The following GSG1L variants were observed in gnomAD, a reference collection of about 807,000 sequenced individuals.
GSG1L encodes the protein GSG1 like.
A neutral mutation model predicts 42.1 loss-of-function variants in GSG1L; 24 were observed. The observed-to-expected ratio is 0.57, with a 90% CI of 0.41 to 0.80. The LOEUF (loss-of-function observed/expected upper bound fraction) is 0.80, where lower values mean the gene tolerates loss of function less well. Among genes scored for constraint, GSG1L ranks in the 30% least tolerant of loss-of-function variants. The probability of loss-of-function intolerance (pLI) is 0.00; values close to 1 mark genes in which losing one functional copy is unlikely to be tolerated. For synonymous variants in GSG1L, 215 were observed against 203.5 expected, an observed-to-expected ratio of 1.06 and a Z score of -0.48; for missense variants, 445 against 472.2, an observed-to-expected ratio of 0.94 and a Z score of 0.53.
intron 1 of GSG1L, among the ~76,000 whole-genome samples, chr16:27,968,311 T>C (rs1278678995): frequency 1.3e-5 from 2 of 152,162 alleles, no homozygotes; most frequent in Non-Finnish European, 2.9e-5. Context: ...GTGCAATGGC[T>C]CAATCATAGC....
At chr16:28,047,163 G>C (rs57718969) in intron 1 of GSG1L, among the ~76,000 whole-genome samples, 2 of 152,228 alleles carry the variant, frequency 1.3e-5, no homozygotes, top group African/African-American at 4.8e-5. Context: ...CATGAAACCA[G>C]TTAAGCATGG....
At chr16:28,038,662 C>G (rs555568366) in intron 1 of GSG1L, among the ~76,000 whole-genome samples, 1 of 152,182 alleles carries the variant, frequency 6.6e-6, no homozygotes, top group African/African-American at 2.4e-5. Context: ...CATCGCCATC[C>G]GTCCTCCTGG....
chr16:27,874,075 C>T (rs539499190), intron 3 of GSG1L, among the ~76,000 whole-genome samples: 1 of 152,252 alleles, frequency 6.6e-6, no homozygotes, highest in Admixed American at 6.5e-5. Flanking sequence ...GCTCCTGTCT[C>T]CCCACCCAGG....
chr16:27,804,186 C>T (rs961208119), intron 6 of GSG1L, among the ~76,000 whole-genome samples: 5 of 152,050 alleles, frequency 3.3e-5, no homozygotes, highest in African/African-American at 1.2e-4. Flanking sequence ...ACTTCCCCTC[C>T]ACTGCATAGC....
chr16:28,011,657 GCCT>G (rs1197892282), intron 1 of GSG1L, among the ~76,000 whole-genome samples: 2 of 152,154 alleles, frequency 1.3e-5, no homozygotes, highest in South Asian at 2.1e-4. Context: ...ATGTCCATCT[GCCT>G]CCTCCTTCTG....
chr16:27,999,363 A>G (rs1192235667), intron 1 of GSG1L, among the ~76,000 whole-genome samples: 1 of 152,166 alleles, frequency 6.6e-6, no homozygotes, highest in African/African-American at 2.4e-5. Flanking sequence ...GAATCACTTG[A>G]ACCTGGGAGG....
intron 5 of GSG1L, among the ~76,000 whole-genome samples, chr16:27,810,352 C>T (rs1441963177): frequency 6.6e-6 from 1 of 152,108 alleles, no homozygotes; most frequent in Non-Finnish European, 1.5e-5. Flanking sequence ...TTCCTGTGGT[C>T]CCAGCTACCT....
At chr16:27,956,253 A>T (rs2085004219) in intron 2 of GSG1L, among the ~76,000 whole-genome samples, 1 of 152,234 alleles carries the variant, frequency 6.6e-6, no homozygotes, top group Non-Finnish European at 1.5e-5. Context: ...AGGAAGCAAT[A>T]ATAGACCATT....
At chr16:27,965,713 C>T (rs996023810) in intron 1 of GSG1L, among the ~76,000 whole-genome samples, 1 of 152,224 alleles carries the variant, frequency 6.6e-6, no homozygotes, top group South Asian at 2.1e-4. Context: ...AGCATCCAGC[C>T]ACTTCTCGCC....
intron 1 of GSG1L, among the ~76,000 whole-genome samples, chr16:28,043,908 G>T (rs1300013145): frequency 2.6e-5 from 4 of 152,076 alleles, no homozygotes; most frequent in African/African-American, 9.6e-5. Context: ...TGTAGTCCCA[G>T]CTACTCAGGA....
chr16:28,006,185 G>C (rs1241540164), intron 1 of GSG1L, among the ~76,000 whole-genome samples: 1 of 152,146 alleles, frequency 6.6e-6, no homozygotes, highest in Non-Finnish European at 1.5e-5. Context: ...AGGGACCTCT[G>C]TCCTACCATC....
At chr16:27,793,033 T>G (rs1392030551) in intron 6 of GSG1L, among the ~76,000 whole-genome samples, 2 of 152,270 alleles carry the variant, frequency 1.3e-5, no homozygotes, top group Non-Finnish European at 2.9e-5. Flanking sequence ...TTTCCTACTC[T>G]GATTCTCAGA....
chr16:27,846,844 C>T (rs1247712972), intron 3 of GSG1L, among the ~76,000 whole-genome samples: 1 of 151,538 alleles, frequency 6.6e-6, no homozygotes, highest in South Asian at 2.1e-4. Flanking sequence ...GTAGTCCCAG[C>T]TACTCAGGAG....
chr16:27,880,946 A>T (rs1031956329), intron 3 of GSG1L, among the ~76,000 whole-genome samples: 1 of 151,296 alleles, frequency 6.6e-6, no homozygotes, highest in African/African-American at 2.4e-5. Flanking sequence ...CAGACTGATC[A>T]TCTCCCCTCC....
intron 1 of GSG1L, among the ~76,000 whole-genome samples, chr16:27,991,101 A>G (rs949002826): frequency 2.6e-4 from 39 of 152,324 alleles, no homozygotes; most frequent in African/African-American, 8.4e-4. Flanking sequence ...TCTTTGGTAG[A>G]AAAGGGGAAT....
At chr16:27,946,613 G>A (rs200858331) in intron 2 of GSG1L, among the ~76,000 whole-genome samples, 2,679 of 16,994 alleles carry the variant, frequency 0.16, 112 homozygotes, top group East Asian at 0.22. Context: ...GAGAGAGAGA[G>A]AGAGAGAGAG....
intron 5 of GSG1L, among the ~76,000 whole-genome samples, chr16:27,817,138 G>A (rs72780175): frequency 1.3e-5 from 2 of 152,144 alleles, no homozygotes; most frequent in Admixed American, 1.3e-4. Flanking sequence ...ATATCACTAG[G>A]AGGCCACACT....
intron 2 of GSG1L, among the ~76,000 whole-genome samples, chr16:27,956,414 T>C (rs1471162482): frequency 6.6e-6 from 1 of 152,204 alleles, no homozygotes; most frequent in Non-Finnish European, 1.5e-5. Flanking sequence ...CCAGGCTGGC[T>C]CCAGCTGCCA....
intron 4 of GSG1L, among the ~76,000 whole-genome samples, chr16:27,833,476 A>T (rs2140970964): frequency 6.6e-6 from 1 of 152,202 alleles, no homozygotes; most frequent in South Asian, 2.1e-4. Flanking sequence ...TAGAAATTCT[A>T]ATTCCTTTGC....
Sources: allele counts gnomAD v4.1 joint callset (sites outside exome capture counted in the v4.1 genomes callset), GRCh38; gene constraint gnomAD v4.1.1; transcripts MANE v1.5; gene names NCBI Gene and HGNC (gene_info 2026-07-23, HGNC 2026-07-21).